CUBN: variants seen among roughly 807,000 people sequenced by gnomAD.
CUBN encodes the protein cubilin, also known as 460 kDa receptor.
A neutral mutation model predicts 405.3 loss-of-function variants in CUBN; 282 were observed. The observed-to-expected ratio is 0.70, with a 90% CI of 0.63 to 0.77. The LOEUF (loss-of-function observed/expected upper bound fraction) is 0.77, where lower values mean the gene tolerates loss of function less well. Among genes scored for constraint, CUBN ranks in the 30% least tolerant of loss-of-function variants. CUBN has a pLI of 0.00. For missense variants in CUBN, 4,514 were observed against 4,475.2 expected, an observed-to-expected ratio of 1.01 and a Z score of -0.25; for synonymous variants, 1,684 against 1,617.0, an observed-to-expected ratio of 1.04 and a Z score of -0.99.
In CUBN at chr10:17,045,177, T is replaced by C; in HGVS notation, c.3502A>G (p.Asn1168Asp). ...AACGTGCCGCTTGAAGTGGTGAGATTACCCCCGCAACCTACAGGAGAAAGA... is the reference window on the plus strand; with the variant it reads ...AACGTGCCGCTTGAAGTGGTGAGATCACCCCCGCAACCTACAGGAGAAAGA... ...WDGSSTGCGG[N>D]LTTSSGTFIS... The change falls in exon 25 of 67, where the codon AAT (asparagine) becomes GAT (aspartate). Residue 1168 changes from asparagine (N) to aspartate (D), a missense_variant. Physicochemically the swap from Asn to Asp is conservative, Grantham distance 23 (BLOSUM62 1). Coordinates refer to ENST00000377833, the MANE Select transcript of CUBN (RefSeq NM_001081.4). The C allele has an allele frequency of 6.2e-7, 1 of 1,613,664 alleles. No individual in the cohort carries two copies.
intron 43 of CUBN, among the ~76,000 whole-genome samples, chr10:16,924,056 G>A (rs1842114280): frequency 6.6e-6 from 1 of 152,136 alleles, no homozygotes; most frequent in Non-Finnish European, 1.5e-5. Flanking sequence ...GGGCGACAGA[G>A]AGACCCTGTC....
rs1429183185 is a variant in CUBN at position 16,948,340 on chromosome 10, G to A, written c.5209+138C>T. 9 of 1,046,006 alleles carry A rather than the reference G, an allele frequency of 8.6e-6. No homozygotes were observed. The African/African-American group carries it at 1.4e-4, about 17-fold the overall frequency. The allele number at this position is 1,046,006 out of a possible 1,614,324, so 64.8% of individuals were successfully genotyped here. A position where few individuals can be genotyped will look rare whatever the true frequency, so the allele number is the denominator to read the frequency against. The stretch of plus-strand genomic sequence containing the variant: ...AATTGACAACACGATCACTTAATTG[G>A]GAAGAAGGTAAGATTTGGCCCAGAG... On this transcript the variant is annotated intron_variant, in intron 35 of 66. Coordinates refer to ENST00000377833, the MANE Select transcript of CUBN (RefSeq NM_001081.4).
At chr10:16,969,000 C>T (rs954625967) in intron 31 of CUBN, among the ~76,000 whole-genome samples, 5 of 152,220 alleles carry the variant, frequency 3.3e-5, no homozygotes, top group African/African-American at 1.2e-4. Context: ...CCCCTCGATG[C>T]CATCACAATT....
intron 4 of CUBN, among the ~76,000 whole-genome samples, chr10:17,124,370 G>A (rs973533229): frequency 1.3e-5 from 2 of 151,922 alleles, no homozygotes; most frequent in Non-Finnish European, 2.9e-5. Flanking sequence ...GATTTTTACT[G>A]CCTTTGGGTG....
intron 17 of CUBN, among the ~76,000 whole-genome samples, chr10:17,075,940 T>C (rs1316811871): frequency 6.6e-6 from 1 of 152,188 alleles, no homozygotes; most frequent in Non-Finnish European, 1.5e-5. Context: ...GATGGTTCAG[T>C]TTTTGTTAGA....
At chr10:17,115,733 T>C (rs1006977203) in intron 6 of CUBN, 136 bp from the exon 7 acceptor site, 14 of 1,064,256 alleles carry the variant, frequency 1.3e-5, no homozygotes, top group Admixed American at 3.7e-5. Context: ...CAATGCAAAT[T>C]TACTGACTGG....
chr10:17,092,058 T>C (rs1008445913), intron 14 of CUBN, among the ~76,000 whole-genome samples: 2 of 152,144 alleles, frequency 1.3e-5, no homozygotes, highest in East Asian at 3.8e-4. Context: ...TCCTTTCTGG[T>C]AACATCTTCC....
chr10:16,964,095 G>C (rs1404621283), intron 31 of CUBN, among the ~76,000 whole-genome samples: 1 of 152,178 alleles, frequency 6.6e-6, no homozygotes, highest in Non-Finnish European at 1.5e-5. Flanking sequence ...AGTCTGGACA[G>C]GGAGAAGTTT....
At chr10:17,077,377 C>A (rs900803239) in intron 17 of CUBN, among the ~76,000 whole-genome samples, 1 of 152,014 alleles carries the variant, frequency 6.6e-6, no homozygotes, top group South Asian at 2.1e-4. Flanking sequence ...TGAGAAACAC[C>A]ATTTACATGA....
intron 40 of CUBN, among the ~76,000 whole-genome samples, chr10:16,930,326 A>C (rs1842325947): frequency 6.6e-6 from 1 of 152,216 alleles, no homozygotes; most frequent in South Asian, 2.1e-4. Flanking sequence ...TGACACTATT[A>C]GGTGGGCATT....
chr10:16,893,463 T>A (rs1266770531), intron 54 of CUBN, among the ~76,000 whole-genome samples: 1 of 152,150 alleles, frequency 6.6e-6, no homozygotes. Flanking sequence ...GCATTCAAGA[T>A]ACTGAAATTC....
intron 14 of CUBN, among the ~76,000 whole-genome samples, chr10:17,088,624 G>A (rs1836182138): frequency 2.6e-5 from 4 of 152,196 alleles, no homozygotes; most frequent in Admixed American, 6.5e-5. Flanking sequence ...CCATCTGAGC[G>A]ATGAATACCA....
Position 17,129,699 on chromosome 10 carries a change from C to T in CUBN, c.67G>A (p.Gly23Ser), listed in dbSNP as rs775789257. 12 of 1,614,036 alleles carry T rather than the reference C, an allele frequency of 7.4e-6. No individual in the cohort carries two copies. The highest frequency in any genetic ancestry group is 1.0e-5 in the Non-Finnish European group (12 of 1,179,934). Residue 23 changes from glycine to serine, a missense_variant, in exon 1 of 67, where the codon GGC becomes AGC. Physicochemically the swap from Gly to Ser is moderately conservative, Grantham distance 56. Around this residue, in one of 5 missense-constraint regions of CUBN, gnomAD observed 1,448 missense variants for 1,388.0 expected, o/e 1.04. Coordinates refer to ENST00000377833, the MANE Select transcript of CUBN (RefSeq NM_001081.4). ...TGCAGCTCAAGTTCTCCAGCTTCGC[C>T]ATTTACTTCAGCAAATATTAATAAG... ...LTLLIFAEVNGEAGELELQRQ... is the reference protein window; with the variant it reads ...LTLLIFAEVNSEAGELELQRQ...
intron 58 of CUBN, among the ~76,000 whole-genome samples, chr10:16,870,651 A>C (rs1429716092): frequency 6.6e-6 from 1 of 152,228 alleles, no homozygotes. Context: ...GCAAATGTAA[A>C]AACGAAGCTT....
At chr10:16,860,233 T>C (rs1347395109) in intron 59 of CUBN, among the ~76,000 whole-genome samples, 1 of 152,130 alleles carries the variant, frequency 6.6e-6, no homozygotes, top group Non-Finnish European at 1.5e-5. Flanking sequence ...AATTCTTCAA[T>C]AGAAAGGCAT....
rs770447366 is a variant in CUBN, at chr10:17,088,305, C to A, written c.1806G>T (p.Lys602Asn). Residue 602 changes from lysine to asparagine, a missense_variant, in exon 15 of 67, where the codon AAG becomes AAT. Lys to Asn is a moderately conservative substitution (Grantham distance 94). This residue lies in a region of CUBN where 1,448 missense variants were observed against 1,388.0 expected (regional missense o/e 1.04). Transcript: ENST00000377833. ...GILTGPYGSI[K>N]SPGYPGNYPP... ...GATAGTTTCCAGGATACCCCGGAGA[C>A]TTAATAGAACCGTAAGGACCAGTCA... 1 of 1,613,520 alleles carries A rather than the reference C, an allele frequency of 6.2e-7. No individual in the cohort carries two copies. Among genetic ancestry groups the A allele is most frequent in the Non-Finnish European group, 8.5e-7 (1 of 1,179,560 alleles).
At chr10:17,087,428 G>A (rs545867032) in intron 15 of CUBN, among the ~76,000 whole-genome samples, 11 of 146,202 alleles carry the variant, frequency 7.5e-5, no homozygotes, top group Middle Eastern at 3.6e-3. Context: ...CTTTATTCCA[G>A]GAACCTAACC....
rs544030969 is a variant in CUBN, at chr10:17,088,132, G to A, written c.1947+32C>T. 3.2e-6 allele frequency: 5 copies of A among 1,545,636 alleles called. No individual in the cohort carries two copies. The African/African-American group carries it at 4.1e-5, about 13-fold the overall frequency. On this transcript the variant is annotated intron_variant, in intron 15 of 66. Coordinates refer to ENST00000377833, the MANE Select transcript of CUBN (RefSeq NM_001081.4). Reference sequence around the variant, plus strand: ...TAGTGCCCTGAGTCCTAATCATATTGTGATATGTTCTATCTAAATATAATT... The same window carrying A: ...TAGTGCCCTGAGTCCTAATCATATTATGATATGTTCTATCTAAATATAATT...
chr10:16,843,861 T>A (rs1164028773), intron 60 of CUBN, among the ~76,000 whole-genome samples: 1 of 152,174 alleles, frequency 6.6e-6, no homozygotes, highest in Non-Finnish European at 1.5e-5. Context: ...TATGTGTATA[T>A]AAATTATATA....
Sources: gnomAD v4.1 joint callset for allele counts (sites outside exome capture counted in the v4.1 genomes callset) on GRCh38, gnomAD v4.1.1 for gene constraint, gnomAD v4.1.1 regional missense constraint, MANE v1.5 for transcripts, NCBI Gene and HGNC (gene_info 2026-07-23, HGNC 2026-07-21) for gene names.